The following ZSWIM4 variants were observed in gnomAD, a reference collection of about 807,000 sequenced individuals.
ZSWIM4 encodes the protein zinc finger SWIM-type containing 4, also known as zinc finger SWIM domain-containing protein 4.
Under a neutral mutation model 102.5 loss-of-function variants are expected in ZSWIM4, and 62 were observed. The observed-to-expected ratio is 0.60, with a 90% CI of 0.49 to 0.75. The LOEUF is 0.75. ZSWIM4 is among the 30% of genes least tolerant of loss of function. The pLI, the probability that ZSWIM4 is intolerant of heterozygous loss-of-function variation, is 0.00. For synonymous variants in ZSWIM4, 652 were observed against 674.5 expected, an observed-to-expected ratio of 0.97 and a Z score of 0.52; for missense variants, 1,280 against 1,529.6, an observed-to-expected ratio of 0.84 and a Z score of 2.72.
rs754347998 is a variant in ZSWIM4, at chr19:13,809,237, G to A, written c.1012+17G>A. 12 of 1,584,040 alleles carry A rather than the reference G, an allele frequency of 7.6e-6. No homozygotes were observed. In the Admixed American group the frequency reaches 1.4e-4, roughly 18 times the overall value. On this transcript the variant is annotated intron_variant, in intron 5 of 13. Transcript: ENST00000590508. This position sits in a 1 kb window ranked among gnomAD's most constrained non-coding sequence, Gnocchi z 4.2. ...ATGAGCTGGGTGAGGCCCAAACCCC[G>A]GTGCGTGGTGGACACCGGGACTTCG...
chr19:13,817,493 A>C, intron 8 of ZSWIM4, 140 bp downstream of exon 8: 1 of 1,227,952 alleles, frequency 8.1e-7, no homozygotes. Flanking sequence ...TCCTCTGGCC[A>C]GTGCCCAGAG....
At position 13,825,837 on chromosome 19, in the gene ZSWIM4, G is replaced by A; in HGVS notation, c.2379+124G>A. 7.8e-7 allele frequency: 1 copy of A among 1,287,928 alleles called. No homozygotes were observed. The highest frequency in any genetic ancestry group is 1.0e-6 in the Non-Finnish European group (1 of 955,564). 79.8% of individuals were successfully genotyped at this position (1,287,928 alleles called of 1,614,324 possible). ...TTCGCTGGGGGCCCGGCATTTGCGTGAGCTATTCCTCTGTGGCTGGGGACT... is the reference window on the plus strand; with the variant it reads ...TTCGCTGGGGGCCCGGCATTTGCGTAAGCTATTCCTCTGTGGCTGGGGACT... On this transcript the variant is annotated intron_variant, in intron 12 of 13. Transcript: ENST00000590508. The surrounding 1 kb of genome is among the most constrained non-coding windows in gnomAD (Gnocchi z 4.6).
chr19:13,810,771 G>A (rs913687663), intron 5 of ZSWIM4, among the ~76,000 whole-genome samples: 9 of 150,616 alleles, frequency 6.0e-5, no homozygotes, highest in Admixed American at 1.3e-4. Flanking sequence ...CACCACGCCC[G>A]GCTAATTTTT....
chr19:13,799,770 GT>G lies in ZSWIM4; in HGVS notation c.208del (p.Trp70GlyfsTer53), dbSNP rs1568325268. On this transcript the variant is annotated frameshift_variant, in exon 2 of 14. Transcript: ENST00000590508. LOFTEE classifies it high-confidence loss of function. Reference protein sequence around the residue: ...VPEPVQKRIVFWSFPRSEREI... With the variant: ...VPEPVQKRIVXWSFPRSEREI... ...CTGAGCCCGTCCAGAAGCGCATCGT[GT>G]TTTGGTCGTTTCCACGCAGTGAACG... 6.2e-7 allele frequency: 1 copy of G among 1,614,058 alleles called. No individual in the cohort carries two copies. The highest frequency in any genetic ancestry group is 8.5e-7 in the Non-Finnish European group (1 of 1,180,006).
At position 13,831,101 on chromosome 19, in the gene ZSWIM4, C is replaced by T; in HGVS notation, c.*51C>T. ...GGATCCCCCTCGCCCCTGCGTCCCC[C>T]ACCCTTGCTCTCCAATTAGGCCCAC... On this transcript the variant is annotated 3_prime_UTR_variant, in exon 14 of 14. Transcript: ENST00000590508. The T allele has an allele frequency of 6.6e-7, 1 of 1,508,114 alleles. No individual in the cohort carries two copies. 93.4% of individuals were successfully genotyped at this position (1,508,114 alleles called of 1,614,324 possible).
chr19:13,812,032 G>A lies in ZSWIM4; in HGVS notation c.1013-965G>A, dbSNP rs565955716. On this transcript the variant is annotated intron_variant, in intron 5 of 13. Coordinates refer to ENST00000590508, the MANE Select transcript of ZSWIM4 (RefSeq NM_001367834.3). ...GGAGGTTACAGTGAGCTGAGATTGC[G>A]CCACTGCACTCCAGCCTGGGTGACA... Among the ~76,000 whole-genome samples, 31 of 151,612 alleles carry A rather than the reference G, an allele frequency of 2.0e-4. 1 individual carries two copies. The highest frequency in any genetic ancestry group is 6.0e-4 in the African/African-American group (25 of 41,332).
At chr19:13,817,458 G>T in intron 8 of ZSWIM4, 105 bp downstream of exon 8, 2 of 1,456,248 alleles carry the variant, frequency 1.4e-6, no homozygotes, top group South Asian at 1.3e-5. Flanking sequence ...TCTGACCCTT[G>T]GCCACGCCCC....
Position 13,817,719 on chromosome 19 carries a change from C to A in ZSWIM4, c.1670-3C>A. On this transcript the variant is annotated splice_polypyrimidine_tract_variant and splice_region_variant and intron_variant, in intron 8 of 13. Coordinates refer to ENST00000590508, the MANE Select transcript of ZSWIM4 (RefSeq NM_001367834.3). ...CCAGCAGCCCTGGCCCTGTCTCCCC[C>A]AGACTCAGGCCCCGAGAAGCGGAAG... 6.2e-7 allele frequency: 1 copy of A among 1,608,058 alleles called. No homozygotes were observed.
At position 13,799,765 on chromosome 19, in the gene ZSWIM4, A is replaced by C. The variant is rs760413220; in HGVS notation, c.199A>C (p.Ile67Leu). 4 of 1,613,854 alleles carry C rather than the reference A, an allele frequency of 2.5e-6. No individual in the cohort carries two copies. Among genetic ancestry groups the C allele is most frequent in the Non-Finnish European group, 3.4e-6 (4 of 1,179,986 alleles). The change falls in exon 2 of 14, where the codon ATC becomes CTC. Residue 67 changes from isoleucine to leucine, a missense_variant. Coordinates refer to ENST00000590508, the MANE Select transcript of ZSWIM4 (RefSeq NM_001367834.3). Reference protein sequence around the residue: ...SRVPEPVQKRIVFWSFPRSER... With the variant: ...SRVPEPVQKRLVFWSFPRSER... Reference sequence around the variant, plus strand: ...GGTGCCTGAGCCCGTCCAGAAGCGCATCGTGTTTTGGTCGTTTCCACGCAG... The same window carrying C: ...GGTGCCTGAGCCCGTCCAGAAGCGCCTCGTGTTTTGGTCGTTTCCACGCAG...
At chr19:13,806,662 C>CAAA (rs1294824434) in intron 3 of ZSWIM4, among the ~76,000 whole-genome samples, 7 of 138,560 alleles carry the variant, frequency 5.1e-5, no homozygotes, top group African/African-American at 1.9e-4. Context: ...GACCCTGACT[C>CAAA]AAAAAACAAA....
chr19:13,828,412 A>C (rs965763884), intron 12 of ZSWIM4, among the ~76,000 whole-genome samples: 10 of 152,174 alleles, frequency 6.6e-5, no homozygotes, highest in South Asian at 2.1e-4. Context: ...CATCTCAAAA[A>C]AAAACAAAAC....
chr19:13,828,526 G>A lies in ZSWIM4; in HGVS notation c.2380-119G>A, dbSNP rs75439416. 9,051 of 729,986 alleles carry A rather than the reference G, an allele frequency of 0.012. 571 individuals are homozygous for A. In the African/African-American group the frequency reaches 0.14, roughly 11 times the overall value. 45.2% of individuals were successfully genotyped at this position (729,986 alleles called of 1,614,324 possible). A position where few individuals can be genotyped will look rare whatever the true frequency, so the allele number is the denominator to read the frequency against. The stretch of plus-strand genomic sequence containing the variant: ...CCCAGAAAGTTGAGATCACTTACCC[G>A]GGTTCATTGGATCAGCTTTAACCTC... On this transcript the variant is annotated intron_variant, in intron 12 of 13. Coordinates refer to ENST00000590508, the MANE Select transcript of ZSWIM4 (RefSeq NM_001367834.3).
intron 1 of ZSWIM4, among the ~76,000 whole-genome samples, chr19:13,798,791 T>C (rs1211892804): frequency 6.6e-6 from 1 of 152,170 alleles, no homozygotes; most frequent in East Asian, 1.9e-4. Flanking sequence ...GTTTTTTTAT[T>C]TTTATTTATT....
rs752978294 is a variant in ZSWIM4, at chr19:13,814,518, C to T, written c.1184C>T (p.Ser395Leu). 62 of 1,161,800 alleles carry T rather than the reference C, an allele frequency of 5.3e-5. No homozygotes were observed. The Admixed American group carries it at 5.5e-4, about 10-fold the overall frequency. 72.0% of individuals were successfully genotyped at this position (1,161,800 alleles called of 1,614,324 possible). Residue 395 changes from serine to leucine, a missense_variant, in exon 7 of 14, where the codon TCG becomes TTG. Coordinates refer to ENST00000590508, the MANE Select transcript of ZSWIM4 (RefSeq NM_001367834.3). ...LQPTMAPAPG[S>L]EEEEEVAATS... ...CATGTTGGGTGCCTCTCTGCAGGCT[C>T]GGAGGAAGAGGAAGAGGTGGCAGCC...
intron 10 of ZSWIM4, among the ~76,000 whole-genome samples, chr19:13,821,831 G>A (rs1216740633): frequency 6.6e-6 from 1 of 152,016 alleles, no homozygotes; most frequent in Non-Finnish European, 1.5e-5. Flanking sequence ...AAACCTCCCG[G>A]GTTCAAGTGA....
intron 10 of ZSWIM4, 126 bp downstream of exon 10, chr19:13,819,618 C>G: frequency 9.7e-7 from 1 of 1,027,512 alleles, no homozygotes; most frequent in Non-Finnish European, 1.3e-6. Context: ...TCTCTCTCAC[C>G]CTGGCATTTG....
rs1487679077 is a variant in ZSWIM4 at position 13,830,671 on chromosome 19, C to A, written c.2942C>A (p.Ala981Asp). ...SHSLGRHELS[A>D]IVPLIIRSIH... The stretch of plus-strand genomic sequence containing the variant: ...TCCCTGGGCCGGCACGAGCTCTCTG[C>A]CATCGTCCCCCTCATCATTCGCAGC... Residue 981 changes from alanine (A) to aspartate (D), a missense_variant, in exon 14 of 14, where the codon GCC becomes GAC. Ala to Asp is a moderately radical substitution (Grantham distance 126). Coordinates refer to ENST00000590508, the MANE Select transcript of ZSWIM4 (RefSeq NM_001367834.3). 1 of 1,604,224 alleles carries A rather than the reference C, an allele frequency of 6.2e-7. No homozygotes were observed. The highest frequency in any genetic ancestry group is 1.7e-5 in the Admixed American group (1 of 59,994).
chr19:13,825,078 C>T lies in ZSWIM4; in HGVS notation c.2216-472C>T, dbSNP rs1975570543. Among the ~76,000 whole-genome samples, 1 of 148,796 alleles carries T rather than the reference C, an allele frequency of 6.7e-6. No homozygotes were observed. Among genetic ancestry groups the T allele is most frequent in the Non-Finnish European group, 1.5e-5 (1 of 67,484 alleles). ...TTTTTTGAGATGGATATTACTCTAT[C>T]ATCTAGGCTGGAGTGCAGTGGTGCC... On this transcript the variant is annotated intron_variant, in intron 11 of 13. Coordinates refer to ENST00000590508, the MANE Select transcript of ZSWIM4 (RefSeq NM_001367834.3). This position sits in a 1 kb window ranked among gnomAD's most constrained non-coding sequence, Gnocchi z 4.6.
At chr19:13,815,000 T>TA (rs5827209) in intron 7 of ZSWIM4, 135 bp downstream of exon 7, 2,969 of 337,096 alleles carry the variant, frequency 8.8e-3, no homozygotes, top group South Asian at 0.018. Flanking sequence ...CTACAAAAAT[T>TA]AAAAAAAAAA....
Sources: allele counts gnomAD v4.1 joint callset (sites outside exome capture counted in the v4.1 genomes callset), GRCh38; gene constraint gnomAD v4.1.1; non-coding constraint Gnocchi (gnomAD v3.1); transcripts MANE v1.5; gene names NCBI Gene and HGNC (gene_info 2026-07-23, HGNC 2026-07-21).